Variants in SEMA3A observed in about 807,000 individuals in gnomAD.
SEMA3A encodes semaphorin 3A, also known as semaphorin-3A.
SEMA3A carries 29 observed loss-of-function variants against 97.9 expected under a neutral mutation model. The observed-to-expected ratio is 0.30, with a 90% CI of 0.22 to 0.40. The LOEUF (loss-of-function observed/expected upper bound fraction) is 0.40, where lower values mean the gene tolerates loss of function less well. SEMA3A is among the 10% of genes least tolerant of loss of function. The pLI is 1.00. For missense variants in SEMA3A, 763 were observed against 951.3 expected (o/e 0.80, Z 2.60); for synonymous variants, 321 against 323.7 (o/e 0.99, Z 0.09).
chr7:84,419,802 T>C (rs1804536693), intron 1 of SEMA3A, among the ~76,000 whole-genome samples: 1 of 152,156 alleles, frequency 6.6e-6, no homozygotes, highest in African/African-American at 2.4e-5. Flanking sequence ...ATTTGGGCAG[T>C]CTAATCAGGA....
chr7:83,966,798 G>A (rs1015689833), intron 15 of SEMA3A, among the ~76,000 whole-genome samples: 13 of 151,400 alleles, frequency 8.6e-5, no homozygotes, highest in Non-Finnish European at 1.3e-4. Flanking sequence ...GGCAACCTCC[G>A]CCTCCCGGGT....
intron 6 of SEMA3A, among the ~76,000 whole-genome samples, chr7:84,044,665 T>C (rs998296692): frequency 2.0e-5 from 3 of 151,998 alleles, no homozygotes; most frequent in Admixed American, 2.0e-4. Flanking sequence ...GAAGTAATTA[T>C]TGGATGAATG....
intron 2 of SEMA3A, among the ~76,000 whole-genome samples, chr7:84,360,752 G>A (rs555330550): frequency 6.6e-6 from 1 of 151,940 alleles, no homozygotes; most frequent in Non-Finnish European, 1.5e-5. Context: ...ATTTTGGCCA[G>A]CTATCCCTAC....
chr7:84,348,800 T>A (rs867735490), intron 2 of SEMA3A, among the ~76,000 whole-genome samples: 14 of 152,208 alleles, frequency 9.2e-5, no homozygotes, highest in South Asian at 2.1e-4. Context: ...CTGGCCAACA[T>A]GGTGAAACCC....
intron 1 of SEMA3A, among the ~76,000 whole-genome samples, chr7:84,407,775 C>G (rs1804140753): frequency 1.3e-5 from 2 of 152,194 alleles, no homozygotes; most frequent in Middle Eastern, 6.8e-3. Flanking sequence ...ACAAACCTGA[C>G]AAAAACGAGC....
chr7:84,220,367 T>C (rs561737901), intron 3 of SEMA3A, among the ~76,000 whole-genome samples: 144 of 152,238 alleles, frequency 9.5e-4, no homozygotes, highest in African/African-American at 3.0e-3. Flanking sequence ...TCCATGAGGA[T>C]TGGAATCGAC....
intron 4 of SEMA3A, among the ~76,000 whole-genome samples, chr7:84,070,635 G>A (rs1252178640): frequency 1.3e-5 from 2 of 152,082 alleles, no homozygotes; most frequent in African/African-American, 4.8e-5. Context: ...AAGAATGTAT[G>A]TTATCATATA....
At chr7:84,330,653 T>G (rs948632156) in intron 2 of SEMA3A, among the ~76,000 whole-genome samples, 21 of 152,148 alleles carry the variant, frequency 1.4e-4, no homozygotes, top group Non-Finnish European at 2.6e-4. Flanking sequence ...TCTATCACTT[T>G]TTTTCCCCCT....
chr7:84,312,243 CAT>C (rs1261247296), intron 2 of SEMA3A, among the ~76,000 whole-genome samples: 3 of 151,736 alleles, frequency 2.0e-5, no homozygotes, highest in African/African-American at 7.2e-5. Context: ...AGAAAATTAA[CAT>C]ATGTGTCCTT....
At chr7:84,001,069 G>GT (rs34816248) in intron 12 of SEMA3A, among the ~76,000 whole-genome samples, 32,268 of 147,794 alleles carry the variant, frequency 0.22, 3,518 homozygotes, top group African/African-American at 0.25. Flanking sequence ...TCTAATACGT[G>GT]TTTTTTTTTT....
chr7:84,338,817 A>C (rs184311882), intron 2 of SEMA3A, among the ~76,000 whole-genome samples: 93 of 152,262 alleles, frequency 6.1e-4, no homozygotes, highest in African/African-American at 2.1e-3. Context: ...GTTTTCTAAC[A>C]CTCCTTAAAA....
intron 1 of SEMA3A, among the ~76,000 whole-genome samples, chr7:84,391,208 T>C (rs548232245): frequency 6.6e-6 from 1 of 152,328 alleles, no homozygotes; most frequent in South Asian, 2.1e-4. Flanking sequence ...TTATAAGCCA[T>C]GCCTACATAT....
intron 3 of SEMA3A, among the ~76,000 whole-genome samples, chr7:84,252,860 G>T (rs1481171856): frequency 2.0e-5 from 3 of 151,906 alleles, no homozygotes; most frequent in African/African-American, 7.3e-5. Context: ...TTGTGCTGAA[G>T]TTACTTATCT....
intron 1 of SEMA3A, among the ~76,000 whole-genome samples, chr7:84,453,550 A>G (rs775185647): frequency 2.0e-5 from 3 of 152,206 alleles, no homozygotes; most frequent in Non-Finnish European, 4.4e-5. Flanking sequence ...CTTTGTTTCT[A>G]TTGAGTGATA....
chr7:84,334,750 T>C (rs1288461528), intron 2 of SEMA3A, among the ~76,000 whole-genome samples: 1 of 150,418 alleles, frequency 6.6e-6, no homozygotes, highest in Non-Finnish European at 1.5e-5. Flanking sequence ...CTTGATCCAC[T>C]TTTCATCCCT....
intron 3 of SEMA3A, among the ~76,000 whole-genome samples, chr7:84,303,788 C>T (rs1801084689): frequency 6.6e-6 from 1 of 152,198 alleles, no homozygotes; most frequent in Middle Eastern, 3.4e-3. Context: ...TTTTGTCTGA[C>T]TTTAGGTTAA....
intron 1 of SEMA3A, among the ~76,000 whole-genome samples, chr7:84,419,362 C>T (rs1214906433): frequency 6.6e-6 from 1 of 152,036 alleles, no homozygotes; most frequent in Non-Finnish European, 1.5e-5. Context: ...AATGATACAG[C>T]TATGTATTGT....
intron 1 of SEMA3A, among the ~76,000 whole-genome samples, chr7:84,381,097 T>A (rs1268209236): frequency 3.9e-5 from 6 of 152,206 alleles, no homozygotes; most frequent in Non-Finnish European, 7.3e-5. Context: ...TAGGATGGAA[T>A]AATTTTCCTT....
chr7:84,194,606 C>T lies in SEMA3A; in HGVS notation c.-20G>A, dbSNP rs762224227. On this transcript the variant is annotated 5_prime_UTR_variant, in exon 1 of 17. Coordinates refer to ENST00000265362, the MANE Select transcript of SEMA3A (RefSeq NM_006080.3). The stretch of plus-strand genomic sequence containing the variant: ...GCCCATGCTGCAGACGCTGTAGGTC[C>T]CTTTGCTGCTTTAGTCTTCCTTCCT... 11 of 1,458,958 alleles carry T rather than the reference C, an allele frequency of 7.5e-6. No homozygotes were observed. Among genetic ancestry groups the T allele is most frequent in the Admixed American group, 3.4e-5 (2 of 59,458 alleles). 90.4% of individuals were successfully genotyped at this position (1,458,958 alleles called of 1,614,324 possible).
Sources: allele counts gnomAD v4.1 joint callset (sites outside exome capture counted in the v4.1 genomes callset), GRCh38; gene constraint gnomAD v4.1.1; transcripts MANE v1.5; gene names NCBI Gene and HGNC (gene_info 2026-07-23, HGNC 2026-07-21).